The following KSR2 variants were observed in gnomAD, a reference collection of about 807,000 sequenced individuals.
KSR2 encodes kinase suppressor of ras 2.
In KSR2, 25 loss-of-function variants were observed where a neutral mutation model predicts 107.8. That is an observed-to-expected ratio of 0.23 (90% CI 0.17 to 0.32). The LOEUF (loss-of-function observed/expected upper bound fraction) is 0.32. Ranked by LOEUF, KSR2 falls within the 10% of genes least tolerant of loss-of-function variation. KSR2 has a pLI of 1.00. For missense variants in KSR2, 887 were observed against 1,268.9 expected, an observed-to-expected ratio of 0.70 and a Z score of 4.57; for synonymous variants, 480 against 507.0, an observed-to-expected ratio of 0.95 and a Z score of 0.71.
chr12:117,918,665 G>A (rs367890666), intron 1 of KSR2, among the ~76,000 whole-genome samples: 111 of 151,852 alleles, frequency 7.3e-4, no homozygotes, highest in African/African-American at 2.3e-3. Flanking sequence ...GCGCATGCCC[G>A]TAATCCCAGC....
intron 3 of KSR2, among the ~76,000 whole-genome samples, chr12:117,776,005 G>A (rs1480243854): frequency 6.6e-6 from 1 of 152,066 alleles, no homozygotes; most frequent in Non-Finnish European, 1.5e-5. Flanking sequence ...CTCGGGTGAT[G>A]AGCGCACAAA....
chr12:117,693,788 C>T (rs2136584413), intron 4 of KSR2, among the ~76,000 whole-genome samples: 1 of 152,290 alleles, frequency 6.6e-6, no homozygotes, highest in South Asian at 2.1e-4. Context: ...GTCATCCCCA[C>T]TGACAGATGG....
intron 5 of KSR2, among the ~76,000 whole-genome samples, chr12:117,664,775 A>G: frequency 6.6e-6 from 1 of 152,170 alleles, no homozygotes; most frequent in East Asian, 1.9e-4. Context: ...AAGGGACCCC[A>G]TGGACAAATT....
chr12:117,861,663 C>T (rs180823180), intron 1 of KSR2, among the ~76,000 whole-genome samples: 1 of 151,892 alleles, frequency 6.6e-6, no homozygotes, highest in East Asian at 1.9e-4. Context: ...GCTGGGATTA[C>T]AGGCATGAGC....
intron 4 of KSR2, among the ~76,000 whole-genome samples, chr12:117,698,742 CCT>C (rs916128057): frequency 3.9e-5 from 6 of 152,296 alleles, no homozygotes; most frequent in Admixed American, 1.3e-4. Flanking sequence ...CCAGAATTCC[CCT>C]GTGTCATGTT....
intron 5 of KSR2, among the ~76,000 whole-genome samples, chr12:117,625,262 G>A (rs754967986): frequency 2.6e-5 from 4 of 152,158 alleles, no homozygotes; most frequent in Non-Finnish European, 5.9e-5. Context: ...GGTGAGAGAG[G>A]GCATCCCTGA....
chr12:117,818,648 T>C (rs1311539449), intron 3 of KSR2, among the ~76,000 whole-genome samples: 2 of 152,160 alleles, frequency 1.3e-5, no homozygotes, highest in African/African-American at 2.4e-5. Context: ...GTTTTCATTG[T>C]GGTTATTGTC....
At chr12:117,737,368 TTTA>T (rs1271973428) in intron 4 of KSR2, among the ~76,000 whole-genome samples, 5 of 152,248 alleles carry the variant, frequency 3.3e-5, no homozygotes, top group African/African-American at 1.2e-4. Flanking sequence ...TGCATTTTTT[TTTA>T]TTTCTAAACA....
chr12:117,699,505 A>G (rs542086037), intron 4 of KSR2, among the ~76,000 whole-genome samples: 7 of 152,376 alleles, frequency 4.6e-5, no homozygotes, highest in African/African-American at 1.7e-4. Flanking sequence ...TCCAGGCTAC[A>G]AATCAGTACA....
chr12:117,631,272 G>A (rs1274272627), intron 5 of KSR2, among the ~76,000 whole-genome samples: 1 of 152,192 alleles, frequency 6.6e-6, no homozygotes, highest in African/African-American at 2.4e-5. Context: ...CTGTACTCCA[G>A]CCTGGGCAAC....
intron 8 of KSR2, among the ~76,000 whole-genome samples, chr12:117,556,892 C>T (rs556320933): frequency 4.6e-5 from 7 of 152,230 alleles, no homozygotes; most frequent in Admixed American, 1.3e-4. Context: ...ATGGGCCAGG[C>T]GCGGTGGCTC....
rs1029783474 is a variant in KSR2 at position 117,573,159 on chromosome 12, C to T, written c.1325+5960G>A. Among the ~76,000 whole-genome samples the T allele has an allele frequency of 2.6e-5, 4 of 152,176 alleles. No individual in the cohort carries two copies. In the South Asian group the frequency reaches 8.3e-4, roughly 32 times the overall value. On this transcript the variant is annotated intron_variant, in intron 7 of 19. Coordinates refer to ENST00000339824, the MANE Select transcript of KSR2 (RefSeq NM_173598.6). ...GCCAACAAGACAGCTAATGATAATT[C>T]CGGAGGAAGTGGGCATTAAATCGGA...
chr12:117,508,848 G>C (rs1249670902), intron 14 of KSR2, among the ~76,000 whole-genome samples: 1 of 151,404 alleles, frequency 6.6e-6, no homozygotes, highest in Non-Finnish European at 1.5e-5. Context: ...TTAAACAGAT[G>C]GGTGGATGTG....
intron 3 of KSR2, among the ~76,000 whole-genome samples, chr12:117,788,323 C>G (rs1395152414): frequency 6.6e-6 from 1 of 152,136 alleles, no homozygotes; most frequent in East Asian, 1.9e-4. Flanking sequence ...TCAAATTGTC[C>G]ACTTGCTGGG....
At chr12:117,533,882 A>G (rs909898673) in intron 10 of KSR2, among the ~76,000 whole-genome samples, 10 of 152,156 alleles carry the variant, frequency 6.6e-5, no homozygotes, top group African/African-American at 2.2e-4. Flanking sequence ...ACTCCTCCCC[A>G]TGTGCCATGG....
intron 4 of KSR2, among the ~76,000 whole-genome samples, chr12:117,746,467 AC>A (rs1888408010): frequency 6.6e-6 from 1 of 152,196 alleles, no homozygotes; most frequent in Non-Finnish European, 1.5e-5. Flanking sequence ...AAAACCCAAA[AC>A]CATAAAAACC....
chr12:117,794,172 GCACACACCAACATGCA>G (rs1240733704), intron 3 of KSR2, among the ~76,000 whole-genome samples: 1 of 36,254 alleles, frequency 2.8e-5, no homozygotes, highest in African/African-American at 1.2e-4. Context: ...ACCAACATGC[GCACACACCAACATGCA>G]CACACACCAT....
At chr12:117,582,408 G>A (rs767083191) in intron 5 of KSR2, 49 bp from the exon 6 acceptor site, 2 of 1,443,314 alleles carry the variant, frequency 1.4e-6, no homozygotes, top group South Asian at 1.1e-5. Flanking sequence ...AGAGACTGGG[G>A]TGGGCTCTGG....
At chr12:117,859,844 G>T (rs1156768911) in intron 2 of KSR2, among the ~76,000 whole-genome samples, 1 of 152,208 alleles carries the variant, frequency 6.6e-6, no homozygotes, top group Admixed American at 6.5e-5. Context: ...TTCACAGATG[G>T]TAATATTAAT....
Sources: allele counts gnomAD v4.1 joint callset (sites outside exome capture counted in the v4.1 genomes callset), GRCh38; gene constraint gnomAD v4.1.1; transcripts MANE v1.5; gene names NCBI Gene and HGNC (gene_info 2026-07-23, HGNC 2026-07-21).